The following FAM227A variants were observed in gnomAD, a reference collection of about 807,000 sequenced individuals.
FAM227A encodes protein FAM227A.
Under a neutral mutation model 74.7 loss-of-function variants are expected in FAM227A, and 80 were observed. That is an observed-to-expected ratio of 1.07 (90% confidence interval 0.89 to 1.29). The LOEUF (loss-of-function observed/expected upper bound fraction) is 1.29. Among genes scored for constraint, FAM227A ranks in the 50% most tolerant of loss-of-function variants. The pLI is 0.00. For missense variants in FAM227A, 654 were observed against 683.4 expected, an observed-to-expected ratio of 0.96 and a Z score of 0.48; for synonymous variants, 237 against 241.8, an observed-to-expected ratio of 0.98 and a Z score of 0.19.
chr22:38,631,690 C>T (rs1419384746), intron 6 of FAM227A, among the ~76,000 whole-genome samples: 4 of 151,938 alleles, frequency 2.6e-5, no homozygotes, highest in African/African-American at 9.7e-5. Flanking sequence ...GTGCAGGTGG[C>T]GAAAGAGCAA....
intron 11 of FAM227A, among the ~76,000 whole-genome samples, chr22:38,609,948 T>A (rs1310069066): frequency 6.6e-6 from 1 of 152,150 alleles, no homozygotes; most frequent in African/African-American, 2.4e-5. Flanking sequence ...GGTTTTTGTA[T>A]TTTTAGTAAA....
intron 13 of FAM227A, among the ~76,000 whole-genome samples, chr22:38,600,640 T>C (rs907978755): frequency 2.6e-5 from 4 of 151,768 alleles, no homozygotes; most frequent in Admixed American, 6.6e-5. Flanking sequence ...GCCCAGCCGA[T>C]AGTGTTATAT....
chr22:38,613,094 A>ATATATAATTATATATATG lies in FAM227A; in HGVS notation c.1039-5619_1039-5618insCATATATATAATTATATA, dbSNP rs1569206560. On this transcript the variant is annotated intron_variant, in intron 11 of 16. Coordinates refer to ENST00000535113, the MANE Select transcript of FAM227A (RefSeq NM_001013647.2). The stretch of plus-strand genomic sequence containing the variant: ...ATATTATATATAATTATATATATAT[A>ATATATAATTATATATATG]TTATATATAATTATATATATATTAT... Among the ~76,000 whole-genome samples, 20 of 92,170 alleles carry ATATATAATTATATATATG rather than the reference A, an allele frequency of 2.2e-4. No individual in the cohort carries two copies. In the East Asian group the frequency reaches 4.3e-3, roughly 20 times the overall value. 60.5% of individuals were successfully genotyped at this position (92,170 alleles called of 152,430 possible).
Position 38,655,636 on chromosome 22 carries a change from C to T in FAM227A, c.-95+484G>A, listed in dbSNP as rs1000558023. On this transcript the variant is annotated intron_variant, in intron 1 of 16. Coordinates refer to ENST00000535113, the MANE Select transcript of FAM227A (RefSeq NM_001013647.2). ...TAAAACATTACTCAAATTAATTTCA[C>T]TTGGCTTTCTTTTTTACTTTTTAAA... is the stretch of plus-strand genomic sequence containing the variant. 1.2e-4 allele frequency among the ~76,000 whole-genome samples: 18 copies of T among 152,224 alleles called. No homozygotes were observed. In the East Asian group the frequency reaches 3.1e-3, roughly 26 times the overall value.
chr22:38,607,048 A>C (rs1345029790), intron 12 of FAM227A, among the ~76,000 whole-genome samples: 3 of 152,002 alleles, frequency 2.0e-5, no homozygotes, highest in Non-Finnish European at 4.4e-5. Flanking sequence ...GTGGTAGCGC[A>C]CGCCTGTAGT....
chr22:38,636,591 C>T lies in FAM227A; in HGVS notation c.379G>A (p.Ala127Thr). Residue 127 changes from alanine to threonine, a missense_variant, in exon 6 of 17, where the codon GCA (alanine) becomes ACA (threonine). Physicochemically the swap from Ala to Thr is moderately conservative, Grantham distance 58. Transcript: ENST00000535113. The stretch of plus-strand genomic sequence containing the variant: ...AGCTCTGCCAGCAGATTTTTATCTG[C>T]TGTTTTCTGAAGCAAAAGAGCAGAA... ...ARSSVIKRKT[A>T]DKNLLAELYQ... is the part of the protein sequence containing the mutation. The T allele has an allele frequency of 6.4e-7, 1 of 1,550,666 alleles. No homozygotes were observed. The highest frequency in any genetic ancestry group is 8.7e-7 in the Non-Finnish European group (1 of 1,146,662).
chr22:38,635,964 C>G (rs1458835369), intron 6 of FAM227A, among the ~76,000 whole-genome samples: 1 of 150,112 alleles, frequency 6.7e-6, no homozygotes, highest in Non-Finnish European at 1.5e-5. Flanking sequence ...GCATTCCAGC[C>G]TGGGTACAGA....
At chr22:38,623,443 G>C (rs2145568669) in intron 9 of FAM227A, among the ~76,000 whole-genome samples, 164 bp from the exon 10 acceptor site, 1 of 152,318 alleles carries the variant, frequency 6.6e-6, no homozygotes, top group East Asian at 1.9e-4. Context: ...TAAAAAAAGA[G>C]TGAAAATGGA....
At chr22:38,605,142 T>C (rs769559695) in intron 13 of FAM227A, 112 bp downstream of exon 13, 8 of 647,868 alleles carry the variant, frequency 1.2e-5, no homozygotes, top group African/African-American at 9.0e-5. Flanking sequence ...AGGTTTGGCA[T>C]AGTACCTGGC....
chr22:38,602,322 C>T (rs1452336075), intron 13 of FAM227A, among the ~76,000 whole-genome samples: 2 of 152,164 alleles, frequency 1.3e-5, no homozygotes, highest in Non-Finnish European at 2.9e-5. Context: ...GTTCTAACAA[C>T]TAGAAATGTC....
chr22:38,620,836 ACAGCT>A (rs2091674404), intron 10 of FAM227A, among the ~76,000 whole-genome samples: 1 of 152,076 alleles, frequency 6.6e-6, no homozygotes, highest in South Asian at 2.1e-4. Flanking sequence ...AAAAGTATGC[ACAGCT>A]CTGTGCATAG....
chr22:38,595,373 T>C (rs888168774), intron 15 of FAM227A, among the ~76,000 whole-genome samples: 2 of 152,012 alleles, frequency 1.3e-5, no homozygotes, highest in African/African-American at 2.4e-5. Context: ...GGTGGCTCCA[T>C]GAAAGAGTTA....
intron 16 of FAM227A, 99 bp downstream of exon 16, chr22:38,591,336 A>G (rs1358660805): frequency 1.4e-6 from 2 of 1,459,776 alleles, no homozygotes; most frequent in Non-Finnish European, 1.8e-6. Flanking sequence ...AAAATAAAAT[A>G]AAATAAAATA....
rs560140219 is a variant in FAM227A at position 38,608,022 on chromosome 22, C to T, written c.1039-546G>A. ...TATACTTAAGTGTGGAAAGCATCCC[C>T]GATTTGTTATAGAGAGGCAATAGAA... On this transcript the variant is annotated intron_variant, in intron 11 of 16. Transcript: ENST00000535113. Among the ~76,000 whole-genome samples, 135 of 152,042 alleles carry T rather than the reference C, an allele frequency of 8.9e-4. 2 individuals are homozygous for T. Among genetic ancestry groups the T allele is most frequent in the African/African-American group, 3.1e-3 (129 of 41,482 alleles).
At chr22:38,609,899 G>A (rs371822445) in intron 11 of FAM227A, among the ~76,000 whole-genome samples, 24 of 151,882 alleles carry the variant, frequency 1.6e-4, no homozygotes, top group African/African-American at 5.1e-4. Context: ...AGCCTCTTGA[G>A]TAGCTGGGAC....
At chr22:38,609,746 T>C (rs2091370857) in intron 11 of FAM227A, among the ~76,000 whole-genome samples, 1 of 152,036 alleles carries the variant, frequency 6.6e-6, no homozygotes, top group African/African-American at 2.4e-5. Flanking sequence ...CAATGAAGCA[T>C]CAATGCTCAT....
At chr22:38,619,040 G>C (rs1479009716) in intron 11 of FAM227A, among the ~76,000 whole-genome samples, 1 of 151,836 alleles carries the variant, frequency 6.6e-6, no homozygotes, top group Non-Finnish European at 1.5e-5. Context: ...CTCTGGACTT[G>C]GGGGTTGGGA....
intron 11 of FAM227A, 120 bp downstream of exon 11, chr22:38,620,092 C>T (rs1328510899): frequency 1.5e-6 from 1 of 681,176 alleles, no homozygotes; most frequent in Admixed American, 2.8e-5. Context: ...ATGGAGTGGA[C>T]CTGGGCAAGG....
chr22:38,587,861 C>A (rs1449291232), intron 16 of FAM227A, among the ~76,000 whole-genome samples: 1 of 152,186 alleles, frequency 6.6e-6, no homozygotes, highest in African/African-American at 2.4e-5. Flanking sequence ...GGATTATACA[C>A]TAGGAACAAG....
Sources: allele counts gnomAD v4.1 joint callset (sites outside exome capture counted in the v4.1 genomes callset), GRCh38; gene constraint gnomAD v4.1.1; transcripts MANE v1.5; gene names NCBI Gene and HGNC (gene_info 2026-07-23, HGNC 2026-07-21).